The following NCKAP5 variants were observed in gnomAD, a reference collection of about 807,000 sequenced individuals.
NCKAP5 encodes NCK associated protein 5, also known as nck-associated protein 5.
In NCKAP5, 92 loss-of-function variants were observed where a neutral mutation model predicts 167.0. The ratio of observed to expected loss-of-function variants is 0.55; its 90% CI spans 0.47 to 0.66. The LOEUF is 0.66. Among genes scored for constraint, NCKAP5 ranks in the 30% least tolerant of loss-of-function variants. The probability of loss-of-function intolerance (pLI) is 0.00; values close to 1 mark genes in which losing one functional copy is unlikely to be tolerated. For synonymous variants in NCKAP5, 891 were observed against 877.4 expected (o/e 1.02, Z -0.27); for missense variants, 2,378 against 2,315.0 (o/e 1.03, Z -0.56).
chr2:132,824,961 A>G (rs928183505), intron 11 of NCKAP5, among the ~76,000 whole-genome samples: 5 of 152,206 alleles, frequency 3.3e-5, no homozygotes, highest in African/African-American at 4.8e-5. Flanking sequence ...AGCATGACCT[A>G]TCCTATTCTA....
chr2:132,922,433 T>C (rs1324183517), intron 8 of NCKAP5, among the ~76,000 whole-genome samples: 1 of 152,114 alleles, frequency 6.6e-6, no homozygotes, highest in Non-Finnish European at 1.5e-5. Flanking sequence ...GCAATTCCTC[T>C]CCCCTGCTTA....
At chr2:132,946,714 T>C (rs1644560961) in intron 8 of NCKAP5, among the ~76,000 whole-genome samples, 1 of 152,082 alleles carries the variant, frequency 6.6e-6, no homozygotes. Flanking sequence ...CTAGGCAACA[T>C]GACGAAACCC....
In NCKAP5 at chr2:133,304,053, G is replaced by C. The variant is rs148640341; in HGVS notation, c.70-943C>G. On this transcript the variant is annotated intron_variant, in intron 3 of 19. Transcript: ENST00000409261. ...AGTATTCAATGATTTCAATGTTAAG[G>C]CACCCAAGAAAGCTAGAGTTCCATT... is the stretch of plus-strand genomic sequence containing the variant. 5.9e-5 allele frequency among the ~76,000 whole-genome samples: 9 copies of C among 152,202 alleles called. No homozygotes were observed. In the East Asian group the frequency reaches 1.7e-3, roughly 29 times the overall value.
intron 3 of NCKAP5, among the ~76,000 whole-genome samples, chr2:133,395,818 ATT>A (rs991792804): frequency 6.6e-6 from 1 of 151,582 alleles, no homozygotes; most frequent in South Asian, 2.1e-4. Context: ...TATTTTTTAA[ATT>A]TTTTTTGTAG....
Position 132,672,813 on chromosome 2 carries a change from C to T in NCKAP5, c.*476G>A. 1 of 311,450 alleles carries T rather than the reference C, an allele frequency of 3.2e-6. No homozygotes were observed. The highest frequency in any genetic ancestry group is 4.7e-6 in the Non-Finnish European group (1 of 213,654). The allele number at this position is 311,450 out of a possible 1,614,324, so 19.3% of individuals were successfully genotyped here. Reference sequence around the variant, plus strand: ...ATTCTGTATCATAGATGTGTTTACGCTTAATCCTCTTGAAACACAATAAAT... The same window carrying T: ...ATTCTGTATCATAGATGTGTTTACGTTTAATCCTCTTGAAACACAATAAAT... On this transcript the variant is annotated 3_prime_UTR_variant, in exon 20 of 20. Transcript: ENST00000409261.
chr2:133,261,656 G>A (rs1031708474), intron 4 of NCKAP5, among the ~76,000 whole-genome samples: 5 of 152,152 alleles, frequency 3.3e-5, no homozygotes, highest in Non-Finnish European at 7.3e-5. Flanking sequence ...AGCATTTGAT[G>A]AATTTAATGT....
intron 6 of NCKAP5, among the ~76,000 whole-genome samples, chr2:133,119,589 C>A (rs1159295612): frequency 6.6e-6 from 1 of 152,040 alleles, no homozygotes; most frequent in African/African-American, 2.4e-5. Context: ...ATCCCAATAC[C>A]AGTAATTTCC....
Position 132,939,128 on chromosome 2 carries a change from GA to G in NCKAP5, c.579+24591del, listed in dbSNP as rs58694785. Among the ~76,000 whole-genome samples, 434 of 151,842 alleles carry G rather than the reference GA, an allele frequency of 2.9e-3. 3 individuals are homozygous for G. The highest frequency in any genetic ancestry group is 9.9e-3 in the African/African-American group (411 of 41,404). On this transcript the variant is annotated intron_variant, in intron 8 of 19. Coordinates refer to ENST00000409261, the MANE Select transcript of NCKAP5 (RefSeq NM_207363.3). ...CTCATTTGTTTAATAGTGATGATAT[GA>G]AAAAAAATGACCTTTTAAAAACACT...
rs1272084425 is a variant in NCKAP5 at position 132,671,945 on chromosome 2, CTT to C, written c.*1342_*1343del. ...CAAATAACACTGATCATACAATACT[CTT>C]TAAAGAAACAATTATGTGCTAAAGT... is the stretch of plus-strand genomic sequence containing the variant. On this transcript the variant is annotated 3_prime_UTR_variant, in exon 20 of 20. Coordinates refer to ENST00000409261, the MANE Select transcript of NCKAP5 (RefSeq NM_207363.3). The C allele has an allele frequency of 6.6e-6, 1 of 152,578 alleles. No homozygotes were observed. The highest frequency in any genetic ancestry group is 1.9e-4 in the East Asian group (1 of 5,196). The allele number at this position is 152,578 out of a possible 1,614,324, so 9.5% of individuals were successfully genotyped here.
chr2:133,016,104 G>T (rs998381916), intron 6 of NCKAP5, among the ~76,000 whole-genome samples: 1 of 151,542 alleles, frequency 6.6e-6, no homozygotes, highest in African/African-American at 2.4e-5. Context: ...AAGAAAGAAG[G>T]AAGAGAGCAA....
intron 2 of NCKAP5, among the ~76,000 whole-genome samples, chr2:133,547,660 T>G (rs1212587345): frequency 1.3e-5 from 2 of 151,416 alleles, no homozygotes; most frequent in Non-Finnish European, 2.9e-5. Context: ...GACCTACAGC[T>G]GAGGTTCCTG....
chr2:133,328,208 T>C (rs1057022616), intron 3 of NCKAP5, among the ~76,000 whole-genome samples: 2 of 152,174 alleles, frequency 1.3e-5, no homozygotes, highest in African/African-American at 4.8e-5. Context: ...TTCGTGTTGA[T>C]TTATAGGAGT....
intron 19 of NCKAP5, among the ~76,000 whole-genome samples, chr2:132,681,011 AG>A (rs1346154800): frequency 1.3e-5 from 2 of 152,150 alleles, no homozygotes; most frequent in Admixed American, 6.5e-5. Flanking sequence ...TTTCTCCAAA[AG>A]TAAAATGTGC....
intron 8 of NCKAP5, among the ~76,000 whole-genome samples, chr2:132,917,431 G>A (rs756740991): frequency 9.2e-5 from 14 of 152,214 alleles, no homozygotes; most frequent in East Asian, 3.9e-4. Flanking sequence ...TTATTTAACC[G>A]CCAGGATTGG....
chr2:133,538,931 G>GTTT (rs71412735), intron 2 of NCKAP5, among the ~76,000 whole-genome samples: 146 of 108,538 alleles, frequency 1.3e-3, no homozygotes, highest in Non-Finnish European at 1.8e-3. Context: ...GTTTTTTTGG[G>GTTT]TTTTTTTTTT....
chr2:133,189,970 G>A (rs6735932), intron 5 of NCKAP5, among the ~76,000 whole-genome samples: 1 of 151,912 alleles, frequency 6.6e-6, no homozygotes, highest in African/African-American at 2.4e-5. Context: ...ATTAGGAAAA[G>A]AGGAAGTCAA....
chr2:133,622,623 G>A, the NCKAP5 span, among the ~76,000 whole-genome samples: 1 of 151,946 alleles, frequency 6.6e-6, no homozygotes, highest in Admixed American at 6.6e-5. Context: ...CCTCTACAAG[G>A]AAAACTACAA....
intron 11 of NCKAP5, among the ~76,000 whole-genome samples, chr2:132,830,102 C>G (rs1687413789): frequency 6.6e-6 from 1 of 152,150 alleles, no homozygotes; most frequent in Non-Finnish European, 1.5e-5. Flanking sequence ...CCAACCGAAG[C>G]AGAGGAACAT....
chr2:133,530,447 A>G lies in NCKAP5; in HGVS notation c.-61-12860T>C, dbSNP rs771775770. Among the ~76,000 whole-genome samples, 116 of 152,202 alleles carry G rather than the reference A, an allele frequency of 7.6e-4. 1 individual carries two copies. Among genetic ancestry groups the G allele is most frequent in the Non-Finnish European group, 1.5e-3 (100 of 68,036 alleles). ...ACTTGAGAATCAGCTCATCAGGTCC[A>G]ACAAAAAGTACCATATAGGTTTTTA... On this transcript the variant is annotated intron_variant, in intron 2 of 19. Coordinates refer to ENST00000409261, the MANE Select transcript of NCKAP5 (RefSeq NM_207363.3).
Sources: allele counts gnomAD v4.1 joint callset (sites outside exome capture counted in the v4.1 genomes callset), GRCh38; gene constraint gnomAD v4.1.1; transcripts MANE v1.5; gene names NCBI Gene and HGNC (gene_info 2026-07-23, HGNC 2026-07-21).